PTCHD4: variants seen among roughly 807,000 people sequenced by gnomAD.
PTCHD4 encodes patched domain containing 4, also known as patched domain-containing protein 4.
A neutral mutation model predicts 58.1 loss-of-function variants in PTCHD4; 33 were observed. The ratio of observed to expected loss-of-function variants is 0.57; its 90% CI spans 0.43 to 0.76. PTCHD4 has a LOEUF of 0.76. PTCHD4 is among the 30% of genes least tolerant of loss of function. PTCHD4 has a pLI of 0.00. For synonymous variants in PTCHD4, 478 were observed against 409.6 expected, an observed-to-expected ratio of 1.17 and a Z score of -2.02; for missense variants, 1,058 against 1,027.1, an observed-to-expected ratio of 1.03 and a Z score of -0.41.
At position 47,867,540 on chromosome 6, in the gene PTCHD4, A is replaced by G. The variant is rs572183002; in HGVS notation, c.*10763T>C. Among the ~76,000 whole-genome samples, 169 of 151,868 alleles carry G rather than the reference A, an allele frequency of 1.1e-3. No homozygotes were observed. Among genetic ancestry groups the G allele is most frequent in the African/African-American group, 4.0e-3 (166 of 41,482 alleles). ...ACTCCCCATATCCTGGCAATGCTTT[A>G]TAATACCACTCACAATGGGCGCTTC... On this transcript the variant is annotated 3_prime_UTR_variant, in exon 5 of 5. Transcript: ENST00000339488.
Position 47,914,930 on chromosome 6 carries a change from T to C in PTCHD4, c.899-34994A>G, listed in dbSNP as rs114958405. On this transcript the variant is annotated intron_variant, in intron 4 of 4. Transcript: ENST00000339488. ...AAGGGAGCATGAAAGTGATATACTATTTATCATAATGTTCTTTCTTCTCTC... is the reference window on the plus strand; with the variant it reads ...AAGGGAGCATGAAAGTGATATACTACTTATCATAATGTTCTTTCTTCTCTC... Among the ~76,000 whole-genome samples the C allele has an allele frequency of 5.9e-3, 899 of 152,196 alleles. 6 individuals are homozygous for C. Among genetic ancestry groups the C allele is most frequent in the African/African-American group, 0.02 (843 of 41,542 alleles).
At position 47,878,959 on chromosome 6, in the gene PTCHD4, G is replaced by A. The variant is rs138769426; in HGVS notation, c.1876C>T (p.Leu626=). The change falls in exon 5 of 5, where the codon CTG becomes TTG. Residue 626 remains leucine, a synonymous_variant. Transcript: ENST00000339488. The part of the protein sequence containing the change: ...QKEITEVLEK[L]RPLSLSKSIR... Reference sequence around the variant, plus strand: ...CTCTTTGAGAGGGATAGGGGCCTCAGCTTTTCCAACACTTCTGTGATTTCT... The same window carrying A: ...CTCTTTGAGAGGGATAGGGGCCTCAACTTTTCCAACACTTCTGTGATTTCT... The A allele has an allele frequency of 5.0e-6, 8 of 1,612,804 alleles. No homozygotes were observed. The highest frequency in any genetic ancestry group is 2.7e-5 in the African/African-American group (2 of 74,902).
In PTCHD4 at chr6:47,856,676, T is replaced by G. The variant is rs555501318; in HGVS notation, c.*21627A>C. Among the ~76,000 whole-genome samples the G allele has an allele frequency of 3.9e-5, 6 of 152,194 alleles. No homozygotes were observed. The highest frequency in any genetic ancestry group is 3.3e-4 in the Admixed American group (5 of 15,258). ...GAAGGAAAGAGCCACACATTCATTT[T>G]CTTTGACAAAACTTTAATTAGAAAA... On this transcript the variant is annotated 3_prime_UTR_variant, in exon 5 of 5. Transcript: ENST00000339488.
At chr6:48,044,771 G>T (rs1763974836) in intron 3 of PTCHD4, among the ~76,000 whole-genome samples, 1 of 151,680 alleles carries the variant, frequency 6.6e-6, no homozygotes, top group South Asian at 2.1e-4. Context: ...GAATAAGATA[G>T]GAATTTTGAG....
chr6:47,997,431 C>G (rs1049939089), intron 4 of PTCHD4, among the ~76,000 whole-genome samples: 3 of 152,014 alleles, frequency 2.0e-5, no homozygotes, highest in African/African-American at 7.3e-5. Context: ...AATATACTAT[C>G]TTACTTTATA....
chr6:48,105,258 GA>G (rs1363800608), intron 1 of PTCHD4, among the ~76,000 whole-genome samples: 1 of 152,166 alleles, frequency 6.6e-6, no homozygotes, highest in East Asian at 1.9e-4. Flanking sequence ...CTGTCTCTCA[GA>G]CCACAGTGCA....
intron 4 of PTCHD4, among the ~76,000 whole-genome samples, chr6:47,926,654 A>C (rs1271528976): frequency 6.6e-6 from 1 of 152,200 alleles, no homozygotes; most frequent in African/African-American, 2.4e-5. Context: ...TTCATAGGTA[A>C]AATAAGATAC....
intron 4 of PTCHD4, among the ~76,000 whole-genome samples, chr6:48,008,373 G>C (rs1396801557): frequency 2.0e-5 from 3 of 152,140 alleles, no homozygotes; most frequent in Non-Finnish European, 2.9e-5. Context: ...ATTTTTGAGG[G>C]ATCTGAGTAG....
At chr6:47,958,281 C>T (rs1365840801) in intron 4 of PTCHD4, among the ~76,000 whole-genome samples, 1 of 152,094 alleles carries the variant, frequency 6.6e-6, no homozygotes, top group Non-Finnish European at 1.5e-5. Context: ...TTAACAGAGA[C>T]CAGGTTTACC....
rs2114089037 is a variant in PTCHD4 at position 47,875,947 on chromosome 6, TAG to T, written c.*2354_*2355del. Among the ~76,000 whole-genome samples, 1 of 151,904 alleles carries T rather than the reference TAG, an allele frequency of 6.6e-6. No homozygotes were observed. Among genetic ancestry groups the T allele is most frequent in the Admixed American group, 6.6e-5 (1 of 15,218 alleles). ...CACACAATGGGAAGAAAAGGAGTGA[TAG>T]TTAATTAACTTTCTCAGTGATTATC... On this transcript the variant is annotated 3_prime_UTR_variant, in exon 5 of 5. Transcript: ENST00000339488.
In PTCHD4 at chr6:47,873,776, G is replaced by T. The variant is rs1161200819; in HGVS notation, c.*4527C>A. ...GAAATAGCAAGGGCATACCAATTCAGCCATAAATATGTTTTGGGTCAATGT... is the reference window on the plus strand; with the variant it reads ...GAAATAGCAAGGGCATACCAATTCATCCATAAATATGTTTTGGGTCAATGT... On this transcript the variant is annotated 3_prime_UTR_variant, in exon 5 of 5. Transcript: ENST00000339488. 2.0e-5 allele frequency among the ~76,000 whole-genome samples: 3 copies of T among 151,668 alleles called. No homozygotes were observed. Among genetic ancestry groups the T allele is most frequent in the African/African-American group, 7.3e-5 (3 of 41,360 alleles).
At chr6:47,961,315 C>T (rs527517916) in intron 4 of PTCHD4, among the ~76,000 whole-genome samples, 25 of 149,666 alleles carry the variant, frequency 1.7e-4, no homozygotes, top group Non-Finnish European at 3.5e-4. Flanking sequence ...TTTCTTGAGA[C>T]GGAGTCTTGC....
intron 3 of PTCHD4, among the ~76,000 whole-genome samples, chr6:48,063,802 T>TG (rs1764708480): frequency 2.0e-5 from 3 of 152,178 alleles, no homozygotes; most frequent in African/African-American, 7.2e-5. Flanking sequence ...CATGTATACC[T>TG]TATACGGTTT....
chr6:48,032,170 G>GAA (rs202066907), intron 3 of PTCHD4, among the ~76,000 whole-genome samples: 1 of 149,456 alleles, frequency 6.7e-6, no homozygotes, highest in South Asian at 2.1e-4. Context: ...AAGTGTGTAT[G>GAA]AAAAAAAAAC....
rs1764932586 is a variant in PTCHD4 at position 48,069,549 on chromosome 6, C to G, written c.-592G>C. Among the ~76,000 whole-genome samples, 1 of 152,172 alleles carries G rather than the reference C, an allele frequency of 6.6e-6. No homozygotes were observed. The highest frequency in any genetic ancestry group is 1.5e-5 in the Non-Finnish European group (1 of 68,030). On this transcript the variant is annotated 5_prime_UTR_variant, in exon 2 of 5. Coordinates refer to ENST00000339488, the MANE Select transcript of PTCHD4 (RefSeq NM_001384253.1). Reference sequence around the variant, plus strand: ...CTCGCTGTGATTCCACAGACCAGTCCGCTGCAGCTGAGGGCTGCGGAGACT... The same window carrying G: ...CTCGCTGTGATTCCACAGACCAGTCGGCTGCAGCTGAGGGCTGCGGAGACT...
rs900894156 is a variant in PTCHD4 at position 47,873,580 on chromosome 6, T to C, written c.*4723A>G. Among the ~76,000 whole-genome samples the C allele has an allele frequency of 8.6e-5, 13 of 151,742 alleles. No individual in the cohort carries two copies. The highest frequency in any genetic ancestry group is 6.6e-4 in the Admixed American group (10 of 15,180). ...GTGGCTTTGTTGCTTTCACTTATGATTTTGCTGCTTTCATTTGGGTCAATA... is the reference window on the plus strand; with the variant it reads ...GTGGCTTTGTTGCTTTCACTTATGACTTTGCTGCTTTCATTTGGGTCAATA... On this transcript the variant is annotated 3_prime_UTR_variant, in exon 5 of 5. Transcript: ENST00000339488.
At chr6:48,103,532 A>T (rs1035837351) in intron 1 of PTCHD4, among the ~76,000 whole-genome samples, 3 of 152,180 alleles carry the variant, frequency 2.0e-5, no homozygotes, top group African/African-American at 7.2e-5. Context: ...AAACTCTAAA[A>T]ATCAGAGCGC....
In PTCHD4 at chr6:47,875,924, C is replaced by G. The variant is rs781472550; in HGVS notation, c.*2379G>C. Among the ~76,000 whole-genome samples, 1 of 151,778 alleles carries G rather than the reference C, an allele frequency of 6.6e-6. No homozygotes were observed. Among genetic ancestry groups the G allele is most frequent in the South Asian group, 2.1e-4 (1 of 4,814 alleles). On this transcript the variant is annotated 3_prime_UTR_variant, in exon 5 of 5. Transcript: ENST00000339488. ...ATAGGTGAATGAGTGGAGCATGGCA[C>G]ACAATGGGAAGAAAAGGAGTGATAG... is the stretch of plus-strand genomic sequence containing the variant.
chr6:47,943,275 G>GT (rs960224585), intron 4 of PTCHD4, among the ~76,000 whole-genome samples: 38 of 152,144 alleles, frequency 2.5e-4, no homozygotes, highest in African/African-American at 7.9e-4. Flanking sequence ...GGGGCTTTAG[G>GT]TTTTTAAAAT....
Sources: allele counts gnomAD v4.1 joint callset (sites outside exome capture counted in the v4.1 genomes callset), GRCh38; gene constraint gnomAD v4.1.1; transcripts MANE v1.5; gene names NCBI Gene and HGNC (gene_info 2026-07-23, HGNC 2026-07-21).